The following SMIM35 variants were observed in gnomAD, a reference collection of about 807,000 sequenced individuals.
SMIM35 encodes the protein TMPRSS4 antisense RNA 1 (non-protein coding).
intron 1 of SMIM35, among the ~76,000 whole-genome samples, chr11:118,085,390 A>AT (rs974136284): frequency 2.6e-5 from 4 of 151,680 alleles, no homozygotes; most frequent in Non-Finnish European, 5.9e-5. Flanking sequence ...CGCCCAGCTA[A>AT]TTTTTTGTAT....
chr11:118,017,100 T>C (rs998128299), intron 1 of SMIM35, among the ~76,000 whole-genome samples: 4 of 151,986 alleles, frequency 2.6e-5, no homozygotes, highest in Non-Finnish European at 5.9e-5. Flanking sequence ...ATTCACAGCA[T>C]AGACAAGAAG....
At chr11:118,047,636 G>C (rs769787956) in intron 1 of SMIM35, among the ~76,000 whole-genome samples, 1 of 152,240 alleles carries the variant, frequency 6.6e-6, no homozygotes, top group Non-Finnish European at 1.5e-5. Context: ...GAGAGATGGA[G>C]AAAACAGTGC....
chr11:118,022,354 A>G (rs370038650), intron 1 of SMIM35, among the ~76,000 whole-genome samples: 1 of 151,972 alleles, frequency 6.6e-6, no homozygotes, highest in Non-Finnish European at 1.5e-5. Flanking sequence ...TGGCCCAACA[A>G]TAAGTCTTAG....
intron 1 of SMIM35, among the ~76,000 whole-genome samples, chr11:118,056,185 G>A: frequency 6.6e-6 from 1 of 152,126 alleles, no homozygotes; most frequent in East Asian, 1.9e-4. Flanking sequence ...CCCCTGAGAG[G>A]CTCACTTGGG....
chr11:118,043,537 G>T (rs1339216444), intron 1 of SMIM35, among the ~76,000 whole-genome samples: 1 of 152,254 alleles, frequency 6.6e-6, no homozygotes, highest in South Asian at 2.1e-4. Flanking sequence ...GAGGCTGGGC[G>T]CAGTGACTCA....
At chr11:118,015,196 C>T (rs904662532) in intron 2 of SMIM35, among the ~76,000 whole-genome samples, 6 of 152,234 alleles carry the variant, frequency 3.9e-5, no homozygotes, top group Non-Finnish European at 7.3e-5. Flanking sequence ...GGCATTCCAG[C>T]ACACCCTTCC....
At chr11:118,056,039 C>G (rs1565393989) in intron 1 of SMIM35, among the ~76,000 whole-genome samples, 1 of 151,972 alleles carries the variant, frequency 6.6e-6, no homozygotes, top group Non-Finnish European at 1.5e-5. Flanking sequence ...AGGCTCTAGG[C>G]TGAAGGTGGA....
intron 1 of SMIM35, among the ~76,000 whole-genome samples, chr11:118,059,837 C>G (rs1303727277): frequency 6.6e-6 from 1 of 152,242 alleles, no homozygotes; most frequent in Admixed American, 6.5e-5. Context: ...CTCAATCCTA[C>G]TGGATAAACT....
intron 1 of SMIM35, among the ~76,000 whole-genome samples, chr11:118,034,842 G>A (rs2058347076): frequency 6.6e-6 from 1 of 152,186 alleles, no homozygotes; most frequent in Admixed American, 6.5e-5. Context: ...TATAACACCA[G>A]CCCAGGATGG....
chr11:118,073,172 A>G (rs749120471), intron 1 of SMIM35, among the ~76,000 whole-genome samples: 12 of 152,344 alleles, frequency 7.9e-5, no homozygotes, highest in Non-Finnish European at 1.5e-4. Flanking sequence ...TCCTGACCTC[A>G]AGTGATCCAC....
At chr11:118,036,044 T>A (rs649827) in intron 1 of SMIM35, among the ~76,000 whole-genome samples, 1 of 151,972 alleles carries the variant, frequency 6.6e-6, no homozygotes, top group African/African-American at 2.4e-5. Context: ...CCTGCCACCA[T>A]GCCTGGCTAA....
intron 1 of SMIM35, among the ~76,000 whole-genome samples, chr11:118,027,182 T>C (rs3018520): frequency 0.39 from 53,132 of 135,484 alleles, 14,235 homozygotes; most frequent in African/African-American, 0.68. Flanking sequence ...CGCCCGCCAC[T>C]GCGCCCGGCT....
chr11:118,067,014 T>A (rs1944484991), intron 1 of SMIM35, among the ~76,000 whole-genome samples: 1 of 152,146 alleles, frequency 6.6e-6, no homozygotes, highest in Non-Finnish European at 1.5e-5. Flanking sequence ...TAATCCCTGA[T>A]ATCTTTTCAG....
intron 1 of SMIM35, among the ~76,000 whole-genome samples, chr11:118,083,186 C>T (rs186394497): frequency 1.3e-5 from 2 of 152,332 alleles, no homozygotes; most frequent in Non-Finnish European, 2.9e-5. Context: ...CTAGAAGCTA[C>T]GGTTGCTGAA....
chr11:118,024,560 C>T (rs979242016), intron 1 of SMIM35, among the ~76,000 whole-genome samples: 2 of 151,186 alleles, frequency 1.3e-5, no homozygotes, highest in African/African-American at 2.4e-5. Flanking sequence ...GCAACCTCGA[C>T]CTCCCAGGTT....
At chr11:118,062,895 T>C (rs1054599960) in intron 1 of SMIM35, among the ~76,000 whole-genome samples, 12 of 152,038 alleles carry the variant, frequency 7.9e-5, no homozygotes, top group Non-Finnish European at 1.6e-4. Context: ...GGTCAACACA[T>C]GATACAGGTC....
rs2058120067 is a variant in SMIM35 at position 118,006,038 on chromosome 11, C to A, written c.*372G>T. On this transcript the variant is annotated 3_prime_UTR_variant, in exon 5 of 5. Coordinates refer to ENST00000689828, the MANE Select transcript of SMIM35 (RefSeq NM_001394165.1). ...GGCCCAGCTGGCGCTTTCTGGGAGG[C>A]CTCCTTGGGGAAGACAAGACAAAGG... The A allele has an allele frequency of 6.6e-6, 1 of 152,376 alleles. No individual in the cohort carries two copies. Among genetic ancestry groups the A allele is most frequent in the South Asian group, 2.1e-4 (1 of 4,834 alleles). 9.4% of individuals were successfully genotyped at this position (152,376 alleles called of 1,614,324 possible).
At chr11:118,019,540 C>A (rs1439662197) in intron 1 of SMIM35, among the ~76,000 whole-genome samples, 1 of 152,188 alleles carries the variant, frequency 6.6e-6, no homozygotes, top group Non-Finnish European at 1.5e-5. Flanking sequence ...AGGGGTCCCC[C>A]AAAGTCTTTG....
chr11:118,082,190 G>T (rs574617144), intron 1 of SMIM35, among the ~76,000 whole-genome samples: 24 of 152,310 alleles, frequency 1.6e-4, no homozygotes, highest in Admixed American at 4.6e-4. Flanking sequence ...GCTTTGAGAA[G>T]CACTTTCACA....
Sources: gnomAD v4.1 joint callset for allele counts (sites outside exome capture counted in the v4.1 genomes callset) on GRCh38, gnomAD v4.1.1 for gene constraint, MANE v1.5 for transcripts, NCBI Gene and HGNC (gene_info 2026-07-23, HGNC 2026-07-21) for gene names.